Variants in THADA observed in about 807,000 individuals in gnomAD.
THADA encodes tRNA (32-2'-O)-methyltransferase regulator THADA.
In THADA, 213 loss-of-function variants were observed where a neutral mutation model predicts 219.8. The ratio of observed to expected loss-of-function variants is 0.97; its 90% CI spans 0.87 to 1.09. The LOEUF (loss-of-function observed/expected upper bound fraction) is 1.09, where lower values mean the gene tolerates loss of function less well. Among genes scored for constraint, THADA ranks in the 50% least tolerant of loss-of-function variants. The probability of loss-of-function intolerance (pLI) is 0.00; values close to 1 mark genes in which losing one functional copy is unlikely to be tolerated. For synonymous variants in THADA, 1,018 were observed against 828.9 expected (o/e 1.23, Z -3.92); for missense variants, 2,956 against 2,311.3 (o/e 1.28, Z -5.72).
rs1380433743 is a variant in THADA at position 43,581,769 on chromosome 2, C to A, written c.693G>T (p.Leu231=). ...SPIWQNMCGL[L]SIFTKVLSDD... ...CGCTTAAAACCTTGGTAAAAATACT[C>A]AGCAATCCACACATATTTTGCCATA... The change falls in exon 8 of 38, where the codon CTG becomes CTT. Residue 231 remains leucine (L), a synonymous_variant. Transcript: ENST00000405975. 1.2e-6 allele frequency: 2 copies of A among 1,611,268 alleles called. No homozygotes were observed. The highest frequency in any genetic ancestry group is 1.7e-6 in the Non-Finnish European group (2 of 1,179,404).
chr2:43,305,235 G>T lies in THADA; in HGVS notation c.4439-12022C>A, dbSNP rs140182321. Among the ~76,000 whole-genome samples, 31 of 152,242 alleles carry T rather than the reference G, an allele frequency of 2.0e-4. 3 individuals carry two copies. The East Asian group carries it at 6.0e-3, about 29-fold the overall frequency. On this transcript the variant is annotated intron_variant, in intron 31 of 37. Transcript: ENST00000405975. ...AACAACAATAACAACAGAATAAACT[G>T]ACTTAATAAATCTTGGCTTCTCCTT...
chr2:43,389,044 C>A (rs557454987), intron 29 of THADA, among the ~76,000 whole-genome samples: 1 of 152,296 alleles, frequency 6.6e-6, no homozygotes, highest in South Asian at 2.1e-4. Context: ...TTGCTACCCA[C>A]TTCCCGCATA....
intron 7 of THADA, among the ~76,000 whole-genome samples, chr2:43,584,780 T>C (rs879794698): frequency 3.3e-5 from 5 of 152,116 alleles, no homozygotes; most frequent in Non-Finnish European, 7.4e-5. Context: ...TGGCACTAGG[T>C]ACTCCTTGAT....
chr2:43,425,446 ATG>A (rs70963396), intron 28 of THADA, among the ~76,000 whole-genome samples: 8,432 of 140,370 alleles, frequency 0.06, 248 homozygotes, highest in East Asian at 0.086. Context: ...TTAAAATTGT[ATG>A]TGTGTGTGTG....
At chr2:43,548,751 A>G (rs1235321849) in intron 20 of THADA, among the ~76,000 whole-genome samples, 1 of 152,102 alleles carries the variant, frequency 6.6e-6, no homozygotes, top group Non-Finnish European at 1.5e-5. Context: ...CAGTGACCCG[A>G]TTTTCCAGGT....
intron 14 of THADA, among the ~76,000 whole-genome samples, chr2:43,567,118 G>C (rs1698783614): frequency 6.6e-6 from 1 of 150,938 alleles, no homozygotes; most frequent in Non-Finnish European, 1.5e-5. Context: ...AGTCTCGCTG[G>C]GTTCAACAGC....
chr2:43,258,155 C>G (rs146243696), intron 36 of THADA, among the ~76,000 whole-genome samples: 81 of 152,264 alleles, frequency 5.3e-4, no homozygotes, highest in Non-Finnish European at 8.5e-4. Context: ...GTCTGAATTT[C>G]AGGTAAACAA....
chr2:43,559,744 C>G lies in THADA; in HGVS notation c.2463+490G>C, dbSNP rs556418776. 2.0e-5 allele frequency among the ~76,000 whole-genome samples: 3 copies of G among 152,322 alleles called. No individual in the cohort carries two copies. The South Asian group carries it at 6.2e-4, about 32-fold the overall frequency. Reference sequence around the variant, plus strand: ...GAGCACTAGGAACTGTTGTTAACCTCAAGTACTCGGTAAGTTTCAGTCTCA... The same window carrying G: ...GAGCACTAGGAACTGTTGTTAACCTGAAGTACTCGGTAAGTTTCAGTCTCA... On this transcript the variant is annotated intron_variant, in intron 16 of 37. Transcript: ENST00000405975.
chr2:43,551,245 T>C (rs771262565), intron 19 of THADA, among the ~76,000 whole-genome samples: 9 of 152,236 alleles, frequency 5.9e-5, no homozygotes, highest in Non-Finnish European at 1.0e-4. Flanking sequence ...AACATAAATA[T>C]ATTTCATGAT....
intron 29 of THADA, among the ~76,000 whole-genome samples, chr2:43,357,995 C>A (rs560202917): frequency 2.0e-5 from 3 of 152,144 alleles, no homozygotes; most frequent in East Asian, 1.9e-4. Flanking sequence ...AATGGTGATA[C>A]CTTATGTAAC....
chr2:43,511,749 C>A (rs963327568), intron 22 of THADA, among the ~76,000 whole-genome samples: 3 of 152,212 alleles, frequency 2.0e-5, no homozygotes, highest in African/African-American at 7.2e-5. Context: ...AATACTGCAT[C>A]TCACGAGGAC....
chr2:43,475,873 T>C (rs541674024), intron 26 of THADA, among the ~76,000 whole-genome samples: 1 of 152,362 alleles, frequency 6.6e-6, no homozygotes, highest in East Asian at 1.9e-4. Context: ...GCTAAAATAC[T>C]ACATACATAG....
chr2:43,246,133 C>T (rs965478508), intron 36 of THADA, among the ~76,000 whole-genome samples: 2 of 151,772 alleles, frequency 1.3e-5, no homozygotes, highest in Non-Finnish European at 1.5e-5. Context: ...GCTTACTAGG[C>T]GCCCACCTCC....
In THADA at chr2:43,279,897, C is replaced by T; in HGVS notation, c.5165-1G>A. On this transcript the variant is annotated splice_acceptor_variant, in intron 35 of 37. Transcript: ENST00000405975. LOFTEE classifies it high-confidence loss of function. The stretch of plus-strand genomic sequence containing the variant: ...CAGAGAGCAAGTGTATCCTGCAACT[C>T]TAAGAAGACCAAAAGGAATCTGAAT... 6 of 1,515,840 alleles carry T rather than the reference C, an allele frequency of 4.0e-6. No homozygotes were observed. Among genetic ancestry groups the T allele is most frequent in the Non-Finnish European group, 5.3e-6 (6 of 1,138,046 alleles). The allele number at this position is 1,515,840 out of a possible 1,614,324, so 93.9% of individuals were successfully genotyped here. A position where few individuals can be genotyped will look rare whatever the true frequency, so the allele number is the denominator to read the frequency against.
intron 36 of THADA, among the ~76,000 whole-genome samples, chr2:43,270,982 T>C (rs1672050246): frequency 6.6e-6 from 1 of 152,214 alleles, no homozygotes; most frequent in South Asian, 2.1e-4. Context: ...CTCCTTCCCC[T>C]GTCCCCCCAC....
At chr2:43,321,757 C>A (rs1276224520) in intron 30 of THADA, among the ~76,000 whole-genome samples, 1 of 152,158 alleles carries the variant, frequency 6.6e-6, no homozygotes, top group Admixed American at 6.5e-5. Flanking sequence ...TTCAATGTGG[C>A]ACAGTAAACT....
At chr2:43,577,478 G>A (rs1044983112) in intron 9 of THADA, among the ~76,000 whole-genome samples, 5 of 150,382 alleles carry the variant, frequency 3.3e-5, no homozygotes, top group Admixed American at 2.0e-4. Context: ...ACAACACATC[G>A]CCACCTGCAG....
chr2:43,363,086 T>G (rs962144121), intron 29 of THADA, among the ~76,000 whole-genome samples: 9 of 152,186 alleles, frequency 5.9e-5, no homozygotes, highest in Non-Finnish European at 1.5e-5. Context: ...CAGTTAACAA[T>G]TTTTTAGGTA....
intron 35 of THADA, among the ~76,000 whole-genome samples, chr2:43,285,087 G>A (rs1391412647): frequency 6.6e-6 from 1 of 152,188 alleles, no homozygotes; most frequent in Non-Finnish European, 1.5e-5. Flanking sequence ...GGGTGGAAGG[G>A]AGTTACCCTG....
Sources: gnomAD v4.1 joint callset for allele counts (sites outside exome capture counted in the v4.1 genomes callset) on GRCh38, gnomAD v4.1.1 for gene constraint, MANE v1.5 for transcripts, NCBI Gene and HGNC (gene_info 2026-07-23, HGNC 2026-07-21) for gene names.